The following MDH2 variants were observed in gnomAD, a reference collection of about 807,000 sequenced individuals.
MDH2 encodes malate dehydrogenase, mitochondrial.
Under a neutral mutation model 33.6 loss-of-function variants are expected in MDH2, and 25 were observed. The ratio of observed to expected loss-of-function variants is 0.74; its 90% confidence interval spans 0.54 to 1.04. The LOEUF (loss-of-function observed/expected upper bound fraction) is 1.04, where lower values mean the gene tolerates loss of function less well. Ranked by LOEUF, MDH2 falls within the 50% of genes least tolerant of loss-of-function variation. The pLI is 0.00. For missense variants in MDH2, 432 were observed against 445.0 expected, an observed-to-expected ratio of 0.97 and a Z score of 0.26; for synonymous variants, 193 against 188.7, an observed-to-expected ratio of 1.02 and a Z score of -0.19.
At chr7:76,059,890 A>G (rs1554586748) in intron 4 of MDH2, among the ~76,000 whole-genome samples, 1 of 152,108 alleles carries the variant, frequency 6.6e-6, no homozygotes, top group Non-Finnish European at 1.5e-5. Flanking sequence ...GTCATTTAGT[A>G]TTTATGACTT....
chr7:76,049,031 C>T, intron 1 of MDH2: 1 of 960,996 alleles, frequency 1.0e-6, no homozygotes, highest in Non-Finnish European at 1.2e-6. Context: ...CTAATTAAAC[C>T]TAATTTTGAG....
intron 1 of MDH2, among the ~76,000 whole-genome samples, chr7:76,053,112 G>A (rs1265556598): frequency 6.6e-6 from 1 of 152,180 alleles, no homozygotes; most frequent in Non-Finnish European, 1.5e-5. Context: ...GAGGAGGAGC[G>A]GGTTGGGAGG....
At chr7:76,062,778 T>G (rs1224533523) in intron 5 of MDH2, among the ~76,000 whole-genome samples, 1 of 152,034 alleles carries the variant, frequency 6.6e-6, no homozygotes, top group Non-Finnish European at 1.5e-5. Flanking sequence ...ATAGATTGGG[T>G]GTGGAGGTGT....
At chr7:76,048,779 T>C (rs1797437075) in intron 1 of MDH2, 20 of 1,226,496 alleles carry the variant, frequency 1.6e-5, no homozygotes, top group Non-Finnish European at 2.0e-5. Flanking sequence ...TTTTGGAGGA[T>C]CTCTCCTGCT....
intron 2 of MDH2, among the ~76,000 whole-genome samples, chr7:76,056,349 C>T (rs1030266234): frequency 3.9e-5 from 6 of 152,180 alleles, no homozygotes; most frequent in African/African-American, 1.4e-4. Flanking sequence ...TTCCAAATTG[C>T]TGTCCAGAAA....
In MDH2 at chr7:76,066,489, A is replaced by G. The variant is rs184232622; in HGVS notation, c.*79A>G. On this transcript the variant is annotated 3_prime_UTR_variant, in exon 9 of 9. Transcript: ENST00000315758. ...CAAAGCCGTTGCAGATAAACTTTGT[A>G]TTTTAATTTGCTTTGGTGATGATTA... 6.0e-6 allele frequency: 9 copies of G among 1,497,932 alleles called. No homozygotes were observed. Among genetic ancestry groups the G allele is most frequent in the Middle Eastern group, 2.3e-4 (1 of 4,302 alleles). 92.8% of individuals were successfully genotyped at this position (1,497,932 alleles called of 1,614,324 possible). A position where few individuals can be genotyped will look rare whatever the true frequency, so the allele number is the denominator to read the frequency against.
intron 1 of MDH2, chr7:76,048,719 G>A: frequency 1.6e-6 from 2 of 1,236,374 alleles, no homozygotes; most frequent in Non-Finnish European, 2.0e-6. Flanking sequence ...CATTTGGCCA[G>A]AGGATTAGAA....
chr7:76,057,529 C>A (rs781986701), intron 3 of MDH2, 36 bp downstream of exon 3: 2 of 1,589,216 alleles, frequency 1.3e-6, no homozygotes, highest in African/African-American at 1.3e-5. Flanking sequence ...TACCTCCCCA[C>A]GTGAAGATGT....
chr7:76,057,521 C>T, intron 3 of MDH2, 28 bp downstream of exon 3: 2 of 1,602,260 alleles, frequency 1.2e-6, no homozygotes, highest in East Asian at 4.5e-5. Context: ...TTGTCTGGTA[C>T]CTCCCCACGT....
intron 6 of MDH2, 132 bp downstream of exon 6, chr7:76,063,724 C>A: frequency 1.2e-6 from 1 of 822,164 alleles, no homozygotes. Context: ...CTGTTGTAGG[C>A]AGCCCCGCCC....
At chr7:76,060,332 G>A (rs372504472) in intron 4 of MDH2, 41 bp from the exon 5 acceptor site, 39 of 1,608,796 alleles carry the variant, frequency 2.4e-5, no homozygotes, top group African/African-American at 5.4e-5. Context: ...CCCTGCTCTC[G>A]GAACCCAGGG....
rs79644164 is a variant in MDH2, at chr7:76,057,292, C to T, written c.236-118C>T. Reference sequence around the variant, plus strand: ...TCGTCAACAGAAGGAAGTCACGTTACAGGCAGGGCTTCTAGCCTTTCTCGA... The same window carrying T: ...TCGTCAACAGAAGGAAGTCACGTTATAGGCAGGGCTTCTAGCCTTTCTCGA... On this transcript the variant is annotated intron_variant, in intron 2 of 8. Coordinates refer to ENST00000315758, the MANE Select transcript of MDH2 (RefSeq NM_005918.4). 1.5e-3 allele frequency: 1,460 copies of T among 966,526 alleles called. 26 individuals carry two copies. The East Asian group carries it at 0.034, about 22-fold the overall frequency. 59.9% of individuals were successfully genotyped at this position (966,526 alleles called of 1,614,324 possible).
chr7:76,058,054 C>T lies in MDH2; in HGVS notation c.405C>T (p.Ala135=), dbSNP rs1554586532. Residue 135 remains alanine, a synonymous_variant, in exon 4 of 9, where the codon GCC becomes GCT. Transcript: ENST00000315758. The stretch of plus-strand genomic sequence containing the variant: ...CCTGTGCCCAGCACTGCCCGGAAGC[C>T]ATGATCTGCGTCATTGCCAATCCGG... ...TAACAQHCPE[A]MICVIANPVN... is the part of the protein sequence containing the mutation. The T allele has an allele frequency of 6.2e-7, 1 of 1,613,590 alleles. No individual in the cohort carries two copies. The highest frequency in any genetic ancestry group is 2.2e-5 in the East Asian group (1 of 44,886).
chr7:76,060,145 G>A (rs1277317399), intron 4 of MDH2, among the ~76,000 whole-genome samples: 4 of 152,186 alleles, frequency 2.6e-5, no homozygotes, highest in African/African-American at 9.7e-5. Context: ...GGGCCACCAA[G>A]GGAAGAAGCA....
At chr7:76,048,986 G>GGTT (rs71893065) in intron 1 of MDH2, 8 of 36,848 alleles carry the variant, frequency 2.2e-4, no homozygotes, top group Middle Eastern at 0.011. Context: ...GACTGCGGGG[G>GGTT]GGGGGGGGGG....
chr7:76,054,615 C>G, intron 1 of MDH2: 1 of 590,356 alleles, frequency 1.7e-6, no homozygotes, highest in Non-Finnish European at 3.0e-6. Context: ...CTGAGTATCA[C>G]AGACTCTACA....
chr7:76,065,021 G>A, intron 8 of MDH2, 68 bp downstream of exon 8: 1 of 1,537,922 alleles, frequency 6.5e-7, no homozygotes, highest in Middle Eastern at 1.7e-4. Context: ...TAAGCCTCAG[G>A]AGCTCTCCCT....
intron 8 of MDH2, among the ~76,000 whole-genome samples, chr7:76,065,737 T>A (rs1388413009): frequency 6.6e-6 from 1 of 152,140 alleles, no homozygotes; most frequent in Non-Finnish European, 1.5e-5. Context: ...CCACACAAAC[T>A]GTGCTCAGTT....
chr7:76,061,364 G>C (rs892073215), intron 5 of MDH2, among the ~76,000 whole-genome samples: 6 of 152,318 alleles, frequency 3.9e-5, no homozygotes, highest in South Asian at 2.1e-4. Context: ...AGACATGGCA[G>C]CACGTACCCG....
Sources: gnomAD v4.1 joint callset for allele counts (sites outside exome capture counted in the v4.1 genomes callset) on GRCh38, gnomAD v4.1.1 for gene constraint, MANE v1.5 for transcripts, NCBI Gene and HGNC (gene_info 2026-07-23, HGNC 2026-07-21) for gene names.